ATG16L1: variants seen among roughly 807,000 people sequenced by gnomAD.
ATG16L1 encodes autophagy related 16 like 1.
In ATG16L1, 37 loss-of-function variants were observed where a neutral mutation model predicts 88.5. The observed-to-expected ratio is 0.42, with a 90% CI of 0.32 to 0.55. ATG16L1 has a LOEUF of 0.55. ATG16L1 is among the 20% of genes least tolerant of loss of function. The pLI is 0.13. For synonymous variants in ATG16L1, 301 were observed against 281.0 expected (o/e 1.07, Z -0.71); for missense variants, 554 against 752.8 (o/e 0.74, Z 3.09).
chr2:233,290,075 T>A, intron 13 of ATG16L1, 101 bp downstream of exon 13: 1 of 1,570,686 alleles, frequency 6.4e-7, no homozygotes, highest in Non-Finnish European at 8.7e-7. Flanking sequence ...ATAGTTTGAA[T>A]TTCAGATCTG....
chr2:233,281,765 A>G (rs1386739888), intron 11 of ATG16L1, among the ~76,000 whole-genome samples: 1 of 152,170 alleles, frequency 6.6e-6, no homozygotes. Flanking sequence ...GGTGAGGCCA[A>G]GGTAGCGTCC....
intron 1 of ATG16L1, among the ~76,000 whole-genome samples, chr2:233,253,332 GTTTTTTTGTTTTTTTT>G (rs1257160386): frequency 8.9e-6 from 1 of 112,890 alleles, no homozygotes; most frequent in African/African-American, 3.3e-5. Context: ...GTGAGACTGG[GTTTTTTTGTTTTTTTT>G]TTTTTTTTTT....
chr2:233,269,823 G>A (rs548139600), intron 5 of ATG16L1, among the ~76,000 whole-genome samples, 179 bp from the exon 6 acceptor site: 1 of 152,308 alleles, frequency 6.6e-6, no homozygotes, highest in South Asian at 2.1e-4. Flanking sequence ...CCCTTTAAAA[G>A]GGGAGCCTTA....
At chr2:233,263,309 A>G in intron 3 of ATG16L1, 74 bp downstream of exon 3, 1 of 1,350,506 alleles carries the variant, frequency 7.4e-7, no homozygotes, top group Non-Finnish European at 1.0e-6. Flanking sequence ...GAGCTCAGTC[A>G]CTTCTCACCA....
At chr2:233,253,542 C>T (rs942853961) in intron 1 of ATG16L1, among the ~76,000 whole-genome samples, 2 of 151,912 alleles carry the variant, frequency 1.3e-5, no homozygotes, top group African/African-American at 4.8e-5. Flanking sequence ...GACAGGGTTT[C>T]ACCATGTTGG....
chr2:233,257,003 C>G (rs1021258321), intron 2 of ATG16L1, among the ~76,000 whole-genome samples: 3 of 146,898 alleles, frequency 2.0e-5, no homozygotes, highest in East Asian at 4.0e-4. Context: ...CACTGGCCAG[C>G]TTACAATTTT....
intron 10 of ATG16L1, 109 bp downstream of exon 10, chr2:233,277,782 G>A (rs1698473416): frequency 1.1e-6 from 1 of 904,080 alleles, no homozygotes. Context: ...TTCAGGCACT[G>A]TGAATTGTTC....
chr2:233,293,175 C>A, intron 16 of ATG16L1, 81 bp from the exon 17 acceptor site: 2 of 1,229,390 alleles, frequency 1.6e-6, no homozygotes, highest in Non-Finnish European at 1.2e-6. Context: ...AACAAACATT[C>A]CTTCTTGGGA....
Position 233,274,733 on chromosome 2 carries a change from T to G in ATG16L1, c.909T>G (p.Gly303=). ...AGGACAATGTGGATACTCATCCTGG[T>G]TCTGGTAAAGAAGTGAGGGTACCAG... is the stretch of plus-strand genomic sequence containing the variant. ...VPQDNVDTHP[G]SGKEVRVPAT... is the part of the protein sequence containing the mutation. The change falls in exon 9 of 18, where the codon GGT becomes GGG. Residue 303 remains glycine (G), a synonymous_variant. Coordinates refer to ENST00000392017, the MANE Select transcript of ATG16L1 (RefSeq NM_030803.7). The G allele has an allele frequency of 6.2e-7, 1 of 1,612,966 alleles. No homozygotes were observed. Among genetic ancestry groups the G allele is most frequent in the Non-Finnish European group, 8.5e-7 (1 of 1,179,030 alleles).
intron 5 of ATG16L1, among the ~76,000 whole-genome samples, chr2:233,268,248 G>A (rs1338154110): frequency 6.6e-6 from 1 of 152,170 alleles, no homozygotes; most frequent in Non-Finnish European, 1.5e-5. Context: ...CTGAGGTCAG[G>A]AGTTCAAGAT....
chr2:233,257,401 C>T (rs1021727086), intron 2 of ATG16L1, among the ~76,000 whole-genome samples: 1 of 152,152 alleles, frequency 6.6e-6, no homozygotes, highest in African/African-American at 2.4e-5. Context: ...TTTGAGTATC[C>T]ATCCAACCAG....
chr2:233,294,591 G>T lies in ATG16L1; in HGVS notation c.*241G>T. 1 of 368,514 alleles carries T rather than the reference G, an allele frequency of 2.7e-6. No homozygotes were observed. Among genetic ancestry groups the T allele is most frequent in the Non-Finnish European group, 5.0e-6 (1 of 200,636 alleles). 22.8% of individuals were successfully genotyped at this position (368,514 alleles called of 1,614,324 possible). A position where few individuals can be genotyped will look rare whatever the true frequency, so the allele number is the denominator to read the frequency against. ...GCTGCGGTCACTTAGCAGAGGCTCA[G>T]GTTCTTGCCTTGGGAAACACTACTA... On this transcript the variant is annotated 3_prime_UTR_variant, in exon 18 of 18. Coordinates refer to ENST00000392017, the MANE Select transcript of ATG16L1 (RefSeq NM_030803.7).
intron 4 of ATG16L1, 142 bp from the exon 5 acceptor site, chr2:233,264,750 G>T: frequency 9.0e-7 from 1 of 1,112,424 alleles, no homozygotes. Flanking sequence ...TCTCCTAATG[G>T]ATTATCCTGT....
intron 12 of ATG16L1, among the ~76,000 whole-genome samples, chr2:233,287,589 A>C (rs1699169423): frequency 6.6e-6 from 1 of 152,226 alleles, no homozygotes; most frequent in Non-Finnish European, 1.5e-5. Flanking sequence ...TTCAGAATTT[A>C]ATGTAAGGCC....
intron 2 of ATG16L1, among the ~76,000 whole-genome samples, chr2:233,260,074 C>T (rs1484125255): frequency 6.6e-6 from 1 of 152,196 alleles, no homozygotes; most frequent in Non-Finnish European, 1.5e-5. Context: ...AGAAGCTGGG[C>T]ACTTTGTTGG....
At chr2:233,266,621 T>C (rs188493325) in intron 5 of ATG16L1, among the ~76,000 whole-genome samples, 37 of 152,308 alleles carry the variant, frequency 2.4e-4, no homozygotes, top group Admixed American at 2.1e-3. Flanking sequence ...AAAGAGTCTT[T>C]TAAAGGGTGA....
intron 11 of ATG16L1, among the ~76,000 whole-genome samples, chr2:233,281,529 G>A (rs1698720327): frequency 6.6e-6 from 1 of 152,206 alleles, no homozygotes; most frequent in South Asian, 2.1e-4. Flanking sequence ...AAACTGCAAA[G>A]CGTTGTGCTG....
At chr2:233,252,049 T>C (rs1381644499) in intron 1 of ATG16L1, 107 bp downstream of exon 1, 1 of 962,762 alleles carries the variant, frequency 1.0e-6, no homozygotes, top group Non-Finnish European at 1.4e-6. Context: ...CCCGCACGCA[T>C]GGCGGCCGCC....
intron 1 of ATG16L1, among the ~76,000 whole-genome samples, chr2:233,255,386 C>T (rs1336495137): frequency 2.0e-5 from 3 of 152,218 alleles, no homozygotes; most frequent in Non-Finnish European, 4.4e-5. Context: ...CTAAGCTCTC[C>T]CCTCTTGTGT....
Sources: allele counts gnomAD v4.1 joint callset (sites outside exome capture counted in the v4.1 genomes callset), GRCh38; gene constraint gnomAD v4.1.1; transcripts MANE v1.5; gene names NCBI Gene and HGNC (gene_info 2026-07-23, HGNC 2026-07-21).